Variants in CNST observed in about 807,000 individuals in gnomAD.
CNST encodes consortin, connexin sorting protein, also known as consortin.
A neutral mutation model predicts 72.4 loss-of-function variants in CNST; 39 were observed. The observed-to-expected ratio is 0.54, with a 90% confidence interval of 0.42 to 0.70. The LOEUF (loss-of-function observed/expected upper bound fraction) is 0.70, where lower values mean the gene tolerates loss of function less well. Ranked by LOEUF, CNST falls within the 30% of genes least tolerant of loss-of-function variation. The probability of loss-of-function intolerance (pLI) is 0.00; values close to 1 mark genes in which losing one functional copy is unlikely to be tolerated. For synonymous variants in CNST, 332 were observed against 320.1 expected (o/e 1.04, Z -0.40); for missense variants, 871 against 868.5 (o/e 1.00, Z -0.04).
chr1:246,626,205 G>C (rs1263830699), intron 3 of CNST, among the ~76,000 whole-genome samples: 1 of 151,546 alleles, frequency 6.6e-6, no homozygotes, highest in Non-Finnish European at 1.5e-5. Flanking sequence ...GCATGCCACC[G>C]TGCCCAGCTA....
chr1:246,569,254 T>TTA (rs1486818168), intron 1 of CNST, among the ~76,000 whole-genome samples: 1 of 152,200 alleles, frequency 6.6e-6, no homozygotes, highest in Non-Finnish European at 1.5e-5. Context: ...ATATGTTATT[T>TTA]TAACATGAAA....
intron 1 of CNST, among the ~76,000 whole-genome samples, chr1:246,580,895 C>T (rs1433035366): frequency 1.3e-5 from 2 of 152,076 alleles, no homozygotes; most frequent in African/African-American, 4.8e-5. Flanking sequence ...CGCGCGCCAC[C>T]ACACCCGGCT....
intron 4 of CNST, among the ~76,000 whole-genome samples, chr1:246,633,301 G>T (rs3124081): frequency 0.91 from 138,878 of 151,978 alleles, 63,453 homozygotes; most frequent in South Asian, 0.94. Context: ...ATACAAAAAG[G>T]AGCCGGGCAT....
chr1:246,632,342 C>T, intron 4 of CNST: 1 of 281,792 alleles, frequency 3.5e-6, no homozygotes, highest in Non-Finnish European at 7.0e-6. Context: ...ATTGCCGCCC[C>T]CGTGATGGTG....
intron 6 of CNST, among the ~76,000 whole-genome samples, chr1:246,635,486 A>G (rs1665144392): frequency 1.3e-5 from 2 of 152,016 alleles, no homozygotes; most frequent in Non-Finnish European, 2.9e-5. Flanking sequence ...GGACTGGTAC[A>G]CGGGCTACTT....
At chr1:246,641,319 T>G (rs939178797) in intron 6 of CNST, among the ~76,000 whole-genome samples, 6 of 152,366 alleles carry the variant, frequency 3.9e-5, no homozygotes, top group African/African-American at 1.4e-4. Context: ...TCTTGGGTAT[T>G]CCCTAACATT....
intron 2 of CNST, among the ~76,000 whole-genome samples, chr1:246,609,874 A>C (rs186112926): frequency 6.6e-6 from 1 of 152,356 alleles, no homozygotes; most frequent in African/African-American, 2.4e-5. Context: ...GTGCCATTTT[A>C]ACCATTTCAT....
intron 3 of CNST, among the ~76,000 whole-genome samples, chr1:246,628,694 G>C (rs925550677): frequency 6.6e-6 from 1 of 152,188 alleles, no homozygotes; most frequent in Non-Finnish European, 1.5e-5. Context: ...CATGAGGGCA[G>C]AGCCCCCGTG....
chr1:246,586,340 A>G (rs1661197132), intron 1 of CNST, among the ~76,000 whole-genome samples: 1 of 147,916 alleles, frequency 6.8e-6, no homozygotes, highest in Non-Finnish European at 1.5e-5. Flanking sequence ...TATCAACTTT[A>G]TATGAGATAA....
At chr1:246,587,956 A>G (rs887721435) in intron 1 of CNST, among the ~76,000 whole-genome samples, 2 of 152,120 alleles carry the variant, frequency 1.3e-5, no homozygotes, top group African/African-American at 2.4e-5. Context: ...CATAACCGAA[A>G]ATCTGTATTT....
intron 9 of CNST, among the ~76,000 whole-genome samples, chr1:246,654,701 T>C (rs1466284161): frequency 6.6e-6 from 1 of 152,228 alleles, no homozygotes; most frequent in African/African-American, 2.4e-5. Context: ...TTTTTCTTAG[T>C]TCACTTATAA....
intron 2 of CNST, among the ~76,000 whole-genome samples, chr1:246,595,250 G>A (rs1381549190): frequency 1.3e-5 from 2 of 152,150 alleles, no homozygotes; most frequent in East Asian, 1.9e-4. Flanking sequence ...ATGGGAAGAA[G>A]CTTTAGTATT....
intron 2 of CNST, among the ~76,000 whole-genome samples, chr1:246,603,896 A>G (rs1406752949): frequency 3.3e-5 from 5 of 152,276 alleles, no homozygotes; most frequent in East Asian, 1.9e-4. Context: ...CCACTGAATT[A>G]TGTGTTATGA....
chr1:246,571,809 G>C (rs1251810409), intron 1 of CNST, among the ~76,000 whole-genome samples: 1 of 152,146 alleles, frequency 6.6e-6, no homozygotes, highest in African/African-American at 2.4e-5. Flanking sequence ...ACACTGTCTG[G>C]TTAGTCACCC....
intron 1 of CNST, among the ~76,000 whole-genome samples, chr1:246,573,233 C>T (rs1351679472): frequency 6.6e-6 from 1 of 152,150 alleles, no homozygotes; most frequent in Non-Finnish European, 1.5e-5. Context: ...AGAGTTATAC[C>T]TGTAGCATTG....
intron 1 of CNST, among the ~76,000 whole-genome samples, chr1:246,571,681 A>ATTTTATTTACTTAC (rs1660081723): frequency 2.6e-5 from 4 of 152,026 alleles, no homozygotes; most frequent in Admixed American, 6.6e-5. Context: ...ATTTTGTCAT[A>ATTTTATTTACTTAC]TTTATTTACT....
chr1:246,615,614 C>T (rs1008046435), intron 2 of CNST, among the ~76,000 whole-genome samples: 4 of 149,280 alleles, frequency 2.7e-5, no homozygotes, highest in African/African-American at 9.9e-5. Context: ...CACGGTGGCT[C>T]ACGCCTGTAA....
intron 2 of CNST, among the ~76,000 whole-genome samples, chr1:246,609,979 G>A (rs1428828539): frequency 6.6e-6 from 1 of 152,042 alleles, no homozygotes; most frequent in East Asian, 1.9e-4. Flanking sequence ...CAGAATCTCT[G>A]TGCCATTAAA....
chr1:246,646,042 G>A (rs932071392), intron 8 of CNST, among the ~76,000 whole-genome samples: 4 of 151,916 alleles, frequency 2.6e-5, no homozygotes, highest in Non-Finnish European at 5.9e-5. Flanking sequence ...CACTTTGGGA[G>A]GCCGAGGCGG....
Sources: gnomAD v4.1 joint callset for allele counts (sites outside exome capture counted in the v4.1 genomes callset) on GRCh38, gnomAD v4.1.1 for gene constraint, MANE v1.5 for transcripts, NCBI Gene and HGNC (gene_info 2026-07-23, HGNC 2026-07-21) for gene names.